The following PRKAG2 variants were observed in gnomAD, a reference collection of about 807,000 sequenced individuals.
PRKAG2 encodes the protein 5'-AMP-activated protein kinase subunit gamma-2.
PRKAG2 carries 26 observed loss-of-function variants against 69.6 expected under a neutral mutation model. The observed-to-expected ratio is 0.37, with a 90% CI of 0.27 to 0.52. The LOEUF (loss-of-function observed/expected upper bound fraction) is 0.52. Among genes scored for constraint, PRKAG2 ranks in the 20% least tolerant of loss-of-function variants. PRKAG2 has a pLI of 0.90. For synonymous variants in PRKAG2, 293 were observed against 285.0 expected (o/e 1.03, Z -0.28); for missense variants, 557 against 740.0 (o/e 0.75, Z 2.87).
chr7:151,787,245 A>T (rs1324851123), intron 1 of PRKAG2, among the ~76,000 whole-genome samples: 2 of 152,162 alleles, frequency 1.3e-5, no homozygotes, highest in Non-Finnish European at 2.9e-5. Flanking sequence ...CATCTCAACC[A>T]TTTTAAGTGT....
At chr7:151,709,836 G>T (rs1839277134) in intron 3 of PRKAG2, among the ~76,000 whole-genome samples, 2 of 152,010 alleles carry the variant, frequency 1.3e-5, no homozygotes, top group South Asian at 4.2e-4. Context: ...TGCTGTGAGT[G>T]ATGTGTGACA....
intron 3 of PRKAG2, among the ~76,000 whole-genome samples, chr7:151,733,267 C>T (rs1433233697): frequency 6.6e-6 from 1 of 152,262 alleles, no homozygotes; most frequent in Admixed American, 6.5e-5. Context: ...GAGCCTTAGC[C>T]TGAGCAGGGG....
At chr7:151,726,578 G>A (rs898176513) in intron 3 of PRKAG2, among the ~76,000 whole-genome samples, 2 of 152,152 alleles carry the variant, frequency 1.3e-5, no homozygotes, top group African/African-American at 4.8e-5. Flanking sequence ...CTGGACGGAC[G>A]CAGGAGTCGT....
At chr7:151,627,796 G>A (rs1444667058) in intron 5 of PRKAG2, among the ~76,000 whole-genome samples, 6 of 152,170 alleles carry the variant, frequency 3.9e-5, no homozygotes, top group Middle Eastern at 3.4e-3. Context: ...CCAAGTAGCC[G>A]GAACCACAGG....
At chr7:151,798,777 C>T (rs946778034) in intron 1 of PRKAG2, among the ~76,000 whole-genome samples, 1 of 152,198 alleles carries the variant, frequency 6.6e-6, no homozygotes, top group East Asian at 1.9e-4. Flanking sequence ...TACCATCTGT[C>T]CTCCTCTCCT....
intron 6 of PRKAG2, among the ~76,000 whole-genome samples, chr7:151,576,789 C>T (rs961490642): frequency 7.9e-5 from 12 of 152,182 alleles, no homozygotes; most frequent in African/African-American, 2.9e-4. Context: ...GCGTGAGCCA[C>T]CGCACCTGGC....
chr7:151,808,508 G>A (rs578006866), intron 1 of PRKAG2, among the ~76,000 whole-genome samples: 4 of 152,198 alleles, frequency 2.6e-5, no homozygotes, highest in Admixed American at 1.3e-4. Context: ...CACAAGGCAT[G>A]GCTGAGCGCC....
chr7:151,724,639 G>A (rs759823796), intron 3 of PRKAG2, among the ~76,000 whole-genome samples: 6 of 152,090 alleles, frequency 3.9e-5, no homozygotes, highest in Non-Finnish European at 5.9e-5. Context: ...GGGCACCCTT[G>A]CTTCCCTCTT....
At chr7:151,851,613 T>G (rs538176600) in intron 1 of PRKAG2, among the ~76,000 whole-genome samples, 1 of 152,334 alleles carries the variant, frequency 6.6e-6, no homozygotes, top group East Asian at 1.9e-4. Flanking sequence ...CACAGGCTTT[T>G]GGTTTCATTA....
chr7:151,621,416 C>T (rs975871710), intron 5 of PRKAG2, among the ~76,000 whole-genome samples: 1 of 152,130 alleles, frequency 6.6e-6, no homozygotes, highest in Non-Finnish European at 1.5e-5. Flanking sequence ...GGTGCAATAG[C>T]TCACGCCTGT....
At chr7:151,751,238 C>T (rs1341703031) in intron 3 of PRKAG2, among the ~76,000 whole-genome samples, 1 of 151,754 alleles carries the variant, frequency 6.6e-6, no homozygotes, top group Non-Finnish European at 1.5e-5. Context: ...GCTGGGACTA[C>T]AGGTGCCCGC....
chr7:151,678,827 C>T (rs576525075), intron 3 of PRKAG2, among the ~76,000 whole-genome samples: 3 of 152,148 alleles, frequency 2.0e-5, no homozygotes, highest in East Asian at 1.9e-4. Flanking sequence ...GGCGTAGTGG[C>T]GCGCGCCTGT....
At chr7:151,817,412 C>A (rs554699771) in intron 1 of PRKAG2, among the ~76,000 whole-genome samples, 2 of 152,210 alleles carry the variant, frequency 1.3e-5, no homozygotes, top group African/African-American at 4.8e-5. Context: ...CAAAACAGAA[C>A]CAGAAAACCT....
rs937870321 is a variant in PRKAG2 at position 151,616,349 on chromosome 7, A to G, written c.754+15720T>C. On this transcript the variant is annotated intron_variant, in intron 5 of 15. Transcript: ENST00000287878. ...ACACTCATACACCTGATACCAAGTT[A>G]AACCCCTCTCTCTTTTATCACGACC... 9.9e-5 allele frequency among the ~76,000 whole-genome samples: 15 copies of G among 152,066 alleles called. No homozygotes were observed. In the South Asian group the frequency reaches 3.1e-3, roughly 31 times the overall value.
At chr7:151,571,880 A>G (rs565805441) in intron 9 of PRKAG2, among the ~76,000 whole-genome samples, 1 of 152,298 alleles carries the variant, frequency 6.6e-6, no homozygotes, top group African/African-American at 2.4e-5. Flanking sequence ...GAAACACAGA[A>G]CCAAACTCTT....
intron 1 of PRKAG2, among the ~76,000 whole-genome samples, chr7:151,868,018 G>A (rs900995880): frequency 6.6e-6 from 1 of 152,160 alleles, no homozygotes; most frequent in African/African-American, 2.4e-5. Flanking sequence ...GACGCTGGGA[G>A]CCTGGGGTTA....
rs111991701 is a variant in PRKAG2, at chr7:151,638,632, C to CAA, written c.685-6496_685-6495dup. Among the ~76,000 whole-genome samples the CAA allele has an allele frequency of 1.4e-5, 2 of 141,996 alleles. No individual in the cohort carries two copies. Among genetic ancestry groups the CAA allele is most frequent in the African/African-American group, 5.2e-5 (2 of 38,684 alleles). 93.2% of individuals were successfully genotyped at this position (141,996 alleles called of 152,430 possible). A position where few individuals can be genotyped will look rare whatever the true frequency, so the allele number is the denominator to read the frequency against. ...TTGGCGACAGAGTGAGACTCTGTCT[C>CAA]AAAAAAAAAAGCTAAATTATTAAGT... On this transcript the variant is annotated intron_variant, in intron 4 of 15. Transcript: ENST00000287878. This position sits in a 1 kb window ranked among gnomAD's most constrained non-coding sequence, Gnocchi z 4.3.
intron 4 of PRKAG2, among the ~76,000 whole-genome samples, chr7:151,651,594 G>A (rs113282745): frequency 9.1e-4 from 139 of 152,204 alleles, no homozygotes; most frequent in South Asian, 3.3e-3. Context: ...GCAACAGGGC[G>A]AGACTCCACC....
chr7:151,594,591 C>CT (rs1036315442), intron 6 of PRKAG2, among the ~76,000 whole-genome samples: 1 of 152,104 alleles, frequency 6.6e-6, no homozygotes, highest in Non-Finnish European at 1.5e-5. Flanking sequence ...TGATTTTCTT[C>CT]TTTTTTACCA....
Sources: gnomAD v4.1 joint callset for allele counts (sites outside exome capture counted in the v4.1 genomes callset) on GRCh38, gnomAD v4.1.1 for gene constraint, Gnocchi (gnomAD v3.1) non-coding constraint, MANE v1.5 for transcripts, NCBI Gene and HGNC (gene_info 2026-07-23, HGNC 2026-07-21) for gene names.